The following TBKBP1 variants were observed in gnomAD, a reference collection of about 807,000 sequenced individuals.
TBKBP1 encodes the protein TBK1 binding protein 1.
A neutral mutation model predicts 69.9 loss-of-function variants in TBKBP1; 47 were observed. That is an observed-to-expected ratio of 0.67 (90% CI 0.53 to 0.86). TBKBP1 has a LOEUF of 0.86. Ranked by LOEUF, TBKBP1 falls within the 40% of genes least tolerant of loss-of-function variation. The pLI, the probability that TBKBP1 is intolerant of heterozygous loss-of-function variation, is 0.00. For synonymous variants in TBKBP1, 418 were observed against 390.3 expected (o/e 1.07, Z -0.84); for missense variants, 831 against 858.6 (o/e 0.97, Z 0.40).
In TBKBP1 at chr17:47,710,797, C is replaced by A; in HGVS notation, c.*171C>A. 1.0e-6 allele frequency: 1 copy of A among 964,360 alleles called. No individual in the cohort carries two copies. Among genetic ancestry groups the A allele is most frequent in the Non-Finnish European group, 1.5e-6 (1 of 666,966 alleles). The allele number at this position is 964,360 out of a possible 1,614,324, so 59.7% of individuals were successfully genotyped here. On this transcript the variant is annotated 3_prime_UTR_variant, in exon 10 of 10. Transcript: ENST00000578982. ...CATCTTCCCTGGTCCAGGCACCACT[C>A]AGCTCTGGCTCTTCCTGGGAGGTCA...
chr17:47,708,346 G>T lies in TBKBP1; in HGVS notation c.873-48G>T. The T allele has an allele frequency of 1.3e-6, 2 of 1,596,932 alleles. No individual in the cohort carries two copies. Among genetic ancestry groups the T allele is most frequent in the Non-Finnish European group, 1.7e-6 (2 of 1,165,738 alleles). ...CCAGTTCTTCCTCCACAGCTGGGAC[G>T]GTAGACCCACTGCCCTTCTCGTCTT... On this transcript the variant is annotated intron_variant, in intron 7 of 9. Transcript: ENST00000578982. The surrounding 1 kb of genome is among the most constrained non-coding windows in gnomAD (Gnocchi z 4.4).
rs1476936694 is a variant in TBKBP1 at position 47,696,695 on chromosome 17, T to A, written c.226-16T>A. The A allele has an allele frequency of 6.2e-7, 1 of 1,613,750 alleles. No individual in the cohort carries two copies. Among genetic ancestry groups the A allele is most frequent in the Admixed American group, 1.7e-5 (1 of 59,992 alleles). On this transcript the variant is annotated splice_polypyrimidine_tract_variant and intron_variant, in intron 2 of 9. Coordinates refer to ENST00000578982, the MANE Select transcript of TBKBP1 (RefSeq NM_001394755.1). ...ACCCGGGAATCCACTCTCCTGAAGC[T>A]CCACCCCACCTGCAGTACCCACTGA...
chr17:47,702,647 C>T (rs1165901512), intron 7 of TBKBP1, among the ~76,000 whole-genome samples: 1 of 152,140 alleles, frequency 6.6e-6, no homozygotes, highest in Non-Finnish European at 1.5e-5. Flanking sequence ...CAGACCGAGG[C>T]AGACTACTAC....
intron 7 of TBKBP1, among the ~76,000 whole-genome samples, chr17:47,705,345 G>T (rs2031660360): frequency 6.6e-6 from 1 of 152,220 alleles, no homozygotes; most frequent in Non-Finnish European, 1.5e-5. Flanking sequence ...TCTGTAAAAT[G>T]AAGGTAACAG....
At position 47,710,720 on chromosome 17, in the gene TBKBP1, T is replaced by C; in HGVS notation, c.*94T>C. 1 of 1,496,420 alleles carries C rather than the reference T, an allele frequency of 6.7e-7. No individual in the cohort carries two copies. 92.7% of individuals were successfully genotyped at this position (1,496,420 alleles called of 1,614,324 possible). ...CTGCATGAATCTCGTGGGGGGTCCC[T>C]GCCCTTGCGACCCCCAGATACCTCC... On this transcript the variant is annotated 3_prime_UTR_variant, in exon 10 of 10. Coordinates refer to ENST00000578982, the MANE Select transcript of TBKBP1 (RefSeq NM_001394755.1).
In TBKBP1 at chr17:47,699,704, C is replaced by G. The variant is rs781573422; in HGVS notation, c.872+7C>G. 2.5e-6 allele frequency: 4 copies of G among 1,613,914 alleles called. No homozygotes were observed. In the South Asian group the frequency reaches 4.4e-5, roughly 18 times the overall value. ...AAAGAGTTGGGGATGATCAGTAAGT[C>G]ACATTGGTAACCCTGGTCCCTCCGT... On this transcript the variant is annotated splice_region_variant and intron_variant, in intron 7 of 9. Transcript: ENST00000578982.
chr17:47,694,888 A>AGGGGGGGGGCGG (rs2031151876), intron 1 of TBKBP1, among the ~76,000 whole-genome samples: 1 of 127,702 alleles, frequency 7.8e-6, no homozygotes, highest in Non-Finnish European at 1.7e-5. Flanking sequence ...TGGGTGGCGG[A>AGGGGGGGGGCGG]GGGGGGGGGG....
chr17:47,696,905 A>AC, intron 3 of TBKBP1, 72 bp downstream of exon 3: 1 of 1,577,758 alleles, frequency 6.3e-7, no homozygotes, highest in Non-Finnish European at 8.6e-7. Context: ...TTCCCTCCAC[A>AC]CCCCCCAGCA....
chr17:47,706,527 T>C (rs754855388), intron 7 of TBKBP1, among the ~76,000 whole-genome samples: 9 of 152,166 alleles, frequency 5.9e-5, no homozygotes, highest in Admixed American at 1.3e-4. Context: ...CAGCAGCTTC[T>C]GGGACTCCTT....
In TBKBP1 at chr17:47,710,728, C is replaced by A; in HGVS notation, c.*102C>A. On this transcript the variant is annotated 3_prime_UTR_variant, in exon 10 of 10. Coordinates refer to ENST00000578982, the MANE Select transcript of TBKBP1 (RefSeq NM_001394755.1). ...ATCTCGTGGGGGGTCCCTGCCCTTG[C>A]GACCCCCAGATACCTCCACTTGCTA... 1 of 1,461,656 alleles carries A rather than the reference C, an allele frequency of 6.8e-7. No individual in the cohort carries two copies. Among genetic ancestry groups the A allele is most frequent in the Non-Finnish European group, 9.2e-7 (1 of 1,082,688 alleles). 90.5% of individuals were successfully genotyped at this position (1,461,656 alleles called of 1,614,324 possible).
At chr17:47,700,289 C>CTTTTTTTTTTTTTTTTTTTTATTTTTTT (rs2031446450) in intron 7 of TBKBP1, among the ~76,000 whole-genome samples, 1 of 41,476 alleles carries the variant, frequency 2.4e-5, no homozygotes, top group African/African-American at 1.4e-4. Flanking sequence ...GCGCCCGGAC[C>CTTTTTTTTTTTTTTTTTTTTATTTTTTT]TTTTTTTTTT....
chr17:47,700,088 G>A (rs1165292761), intron 7 of TBKBP1, among the ~76,000 whole-genome samples: 2 of 150,834 alleles, frequency 1.3e-5, no homozygotes, highest in Admixed American at 6.6e-5. Context: ...CCTGGTTCAC[G>A]CCATTCTCCT....
intron 4 of TBKBP1, among the ~76,000 whole-genome samples, chr17:47,698,369 C>G (rs1381574073): frequency 6.6e-6 from 1 of 152,186 alleles, no homozygotes; most frequent in Non-Finnish European, 1.5e-5. Context: ...TTAAGTGTCC[C>G]TGTGTGTTAA....
At chr17:47,697,028 C>T in intron 3 of TBKBP1, 61 bp from the exon 4 acceptor site, 1 of 1,552,276 alleles carries the variant, frequency 6.4e-7, no homozygotes, top group Non-Finnish European at 8.7e-7. Flanking sequence ...GCAGGGAGCT[C>T]TCCAACTCCA....
chr17:47,694,433 G>A lies in TBKBP1; in HGVS notation c.-35+239G>A, dbSNP rs373146669. Among the ~76,000 whole-genome samples the A allele has an allele frequency of 7.8e-3, 1,186 of 151,996 alleles. 51 individuals are homozygous for A. Among genetic ancestry groups the A allele is most frequent in the Admixed American group, 0.063 (962 of 15,296 alleles). ...CCCGGCCCCGAGAGGGTGTCCGGGG[G>A]CCCAGGGCTCGGCCGGTTGTGGGGG... On this transcript the variant is annotated intron_variant, in intron 1 of 9. Transcript: ENST00000578982.
chr17:47,709,581 C>A (rs2031852801), intron 9 of TBKBP1, 129 bp downstream of exon 9: 1 of 1,316,262 alleles, frequency 7.6e-7, no homozygotes, highest in Non-Finnish European at 9.8e-7. Context: ...CCTCCTTGGA[C>A]CCCGGGCCAC....
At chr17:47,704,830 C>A (rs1282798049) in intron 7 of TBKBP1, among the ~76,000 whole-genome samples, 1 of 152,126 alleles carries the variant, frequency 6.6e-6, no homozygotes, top group Non-Finnish European at 1.5e-5. Flanking sequence ...GTGAATTATT[C>A]GTGGAAAGAC....
intron 9 of TBKBP1, among the ~76,000 whole-genome samples, chr17:47,709,787 A>G (rs75812292): frequency 0.027 from 4,169 of 152,342 alleles, 108 homozygotes; most frequent in East Asian, 0.15. Flanking sequence ...TCTGATCCTC[A>G]ATATTCTCAT....
Position 47,699,433 on chromosome 17 carries a change from C to A in TBKBP1, c.748C>A (p.Leu250Ile). The part of the protein sequence containing the change: ...ARGAQLREEQ[L>I]QAECERLQGE... ...GGGGGCTCAGCTCCGGGAGGAGCAGCTCCAGGCCGAGTGCGAGCGGCTGCA... is the reference window on the plus strand; with the variant it reads ...GGGGGCTCAGCTCCGGGAGGAGCAGATCCAGGCCGAGTGCGAGCGGCTGCA... The change falls in exon 6 of 10, where the codon CTC becomes ATC. Residue 250 changes from leucine (L) to isoleucine (I), a missense_variant. Physicochemically the swap from Leu to Ile is conservative, Grantham distance 5. Transcript: ENST00000578982. The A allele has an allele frequency of 6.4e-7, 1 of 1,572,820 alleles. No homozygotes were observed. The highest frequency in any genetic ancestry group is 1.9e-5 in the Admixed American group (1 of 52,894).
Sources: gnomAD v4.1 joint callset for allele counts (sites outside exome capture counted in the v4.1 genomes callset) on GRCh38, gnomAD v4.1.1 for gene constraint, Gnocchi (gnomAD v3.1) non-coding constraint, MANE v1.5 for transcripts, NCBI Gene and HGNC (gene_info 2026-07-23, HGNC 2026-07-21) for gene names.